TENM4: variants seen among roughly 807,000 people sequenced by gnomAD.
TENM4 encodes teneurin-4.
TENM4 carries 82 observed loss-of-function variants against 243.3 expected under a neutral mutation model. The observed-to-expected ratio is 0.34, with a 90% CI of 0.28 to 0.40. The LOEUF (loss-of-function observed/expected upper bound fraction) is 0.40. Ranked by LOEUF, TENM4 falls within the 10% of genes least tolerant of loss-of-function variation. The pLI, the probability that TENM4 is intolerant of heterozygous loss-of-function variation, is 1.00. For synonymous variants in TENM4, 1,412 were observed against 1,456.3 expected (o/e 0.97, Z 0.69); for missense variants, 3,138 against 3,673.3 (o/e 0.85, Z 3.77).
At chr11:79,026,659 T>C (rs1446822002) in intron 6 of TENM4, among the ~76,000 whole-genome samples, 1 of 152,144 alleles carries the variant, frequency 6.6e-6, no homozygotes, top group African/African-American at 2.4e-5. Flanking sequence ...TTCAGCTACT[T>C]CTCACAGCAA....
rs1856950621 is a variant in TENM4, at chr11:78,786,975, C to A, written c.2288G>T (p.Arg763Leu). 6.3e-7 allele frequency: 1 copy of A among 1,591,402 alleles called. No homozygotes were observed. Among genetic ancestry groups the A allele is most frequent in the African/African-American group, 1.3e-5 (1 of 74,604 alleles). Residue 763 changes from arginine (R) to leucine (L), a missense_variant, in exon 16 of 34, where the codon CGC (arginine) becomes CTC (leucine). This residue lies in a region of TENM4 where 2,467 missense variants were observed against 3,059.1 expected (regional missense o/e 0.81). Transcript: ENST00000278550. ...GCGGCAGGTCCCATGCTCGGCACAGCGCGGGTGGCAGGCCCGCTGGTCGCA... is the reference window on the plus strand; with the variant it reads ...GCGGCAGGTCCCATGCTCGGCACAGAGCGGGTGGCAGGCCCGCTGGTCGCA... ...AACDQRACHP[R>L]CAEHGTCRDG... is the part of the protein sequence containing the mutation.
At chr11:79,226,945 G>T (rs991937519) in intron 2 of TENM4, among the ~76,000 whole-genome samples, 1 of 152,204 alleles carries the variant, frequency 6.6e-6, no homozygotes, top group Non-Finnish European at 1.5e-5. Flanking sequence ...CCAGACACTT[G>T]TCTATTTGCT....
intron 6 of TENM4, among the ~76,000 whole-genome samples, chr11:78,994,148 C>T (rs1162379318): frequency 1.3e-5 from 2 of 152,144 alleles, no homozygotes; most frequent in Admixed American, 6.5e-5. Flanking sequence ...TAGTGGAAGC[C>T]TAGGAAGTTC....
At chr11:78,978,256 G>T (rs1391869074) in intron 6 of TENM4, among the ~76,000 whole-genome samples, 1 of 151,986 alleles carries the variant, frequency 6.6e-6, no homozygotes, top group African/African-American at 2.4e-5. Flanking sequence ...TAATGTAGAT[G>T]ACATGTTGAT....
intron 2 of TENM4, among the ~76,000 whole-genome samples, chr11:79,277,524 C>A (rs1856079483): frequency 6.6e-6 from 1 of 152,170 alleles, no homozygotes; most frequent in South Asian, 2.1e-4. Context: ...GACTCCAAAG[C>A]CCTGGCTTTT....
intron 6 of TENM4, among the ~76,000 whole-genome samples, chr11:79,001,733 C>T (rs867345019): frequency 6.6e-6 from 1 of 152,280 alleles, no homozygotes. Context: ...CTAATTGCCC[C>T]CCTGTATGTT....
chr11:78,755,356 A>T (rs1207597233), intron 19 of TENM4, among the ~76,000 whole-genome samples: 1 of 151,702 alleles, frequency 6.6e-6, no homozygotes, highest in African/African-American at 2.4e-5. Flanking sequence ...TTTTGGAGAG[A>T]TGGGGTTTTG....
At chr11:78,976,799 C>CT (rs962772145) in intron 6 of TENM4, among the ~76,000 whole-genome samples, 7 of 151,688 alleles carry the variant, frequency 4.6e-5, no homozygotes, top group South Asian at 4.2e-4. Flanking sequence ...GAAAAACAAA[C>CT]TTTTTTTTTG....
At chr11:79,217,119 A>G (rs913286995) in intron 2 of TENM4, among the ~76,000 whole-genome samples, 2 of 152,178 alleles carry the variant, frequency 1.3e-5, no homozygotes, top group African/African-American at 2.4e-5. Context: ...ACTCTGGGAC[A>G]AAGGAGATAC....
chr11:79,165,264 A>G (rs1210762741), intron 3 of TENM4, among the ~76,000 whole-genome samples: 1 of 152,156 alleles, frequency 6.6e-6, no homozygotes, highest in African/African-American at 2.4e-5. Context: ...CACCAGCAGC[A>G]TAAAAGTGTT....
At chr11:79,161,794 G>C (rs1414939426) in intron 3 of TENM4, among the ~76,000 whole-genome samples, 1 of 152,190 alleles carries the variant, frequency 6.6e-6, no homozygotes, top group Admixed American at 6.6e-5. Context: ...CCCATTGAAG[G>C]GTTTGCAGTA....
chr11:78,738,877 G>A (rs977394087), intron 19 of TENM4, among the ~76,000 whole-genome samples: 1 of 152,134 alleles, frequency 6.6e-6, no homozygotes, highest in African/African-American at 2.4e-5. Context: ...GGGCAATATC[G>A]CCTAGTTCTG....
Position 78,656,719 on chromosome 11 carries a change from C to T in TENM4, c.*1339G>A, listed in dbSNP as rs1857904457. On this transcript the variant is annotated 3_prime_UTR_variant, in exon 34 of 34. Coordinates refer to ENST00000278550, the MANE Select transcript of TENM4 (RefSeq NM_001098816.3). ...ATATGGGCAGGCCACACCACATCAG[C>T]TCTTCCCTCCTTTCTTCCTGTCACT... The T allele has an allele frequency of 3.8e-6, 1 of 263,996 alleles. No individual in the cohort carries two copies. The allele number at this position is 263,996 out of a possible 1,614,324, so 16.4% of individuals were successfully genotyped here.
chr11:79,387,859 G>A (rs1207825940), intron 1 of TENM4, among the ~76,000 whole-genome samples: 1 of 152,146 alleles, frequency 6.6e-6, no homozygotes, highest in African/African-American at 2.4e-5. Context: ...ACAAAAATTA[G>A]CCAGGTGTGG....
At chr11:79,159,383 T>A (rs1862694510) in intron 3 of TENM4, among the ~76,000 whole-genome samples, 1 of 152,188 alleles carries the variant, frequency 6.6e-6, no homozygotes, top group Admixed American at 6.5e-5. Flanking sequence ...ATTTTGCGAA[T>A]ACAGAAACTG....
At chr11:79,280,287 A>C (rs1291573644) in intron 2 of TENM4, among the ~76,000 whole-genome samples, 1 of 152,192 alleles carries the variant, frequency 6.6e-6, no homozygotes, top group African/African-American at 2.4e-5. Flanking sequence ...AAAGAGCTCC[A>C]AAAGGCCTAC....
At chr11:79,046,322 T>C (rs545382686) in intron 6 of TENM4, among the ~76,000 whole-genome samples, 12 of 152,196 alleles carry the variant, frequency 7.9e-5, no homozygotes, top group Admixed American at 3.3e-4. Flanking sequence ...CTGTTACAGT[T>C]CATGGAGCAC....
Position 78,661,510 on chromosome 11 carries a change from A to G in TENM4, c.7490T>C (p.Met2497Thr). The G allele has an allele frequency of 6.2e-7, 1 of 1,612,654 alleles. No homozygotes were observed. The highest frequency in any genetic ancestry group is 8.5e-7 in the Non-Finnish European group (1 of 1,179,446). ...PGYPKPDMDA[M>T]EPSYELIHTQ... is the part of the protein sequence containing the mutation. ...GTGGATGAGCTCGTAGGAGGGTTCC[A>G]TGGCATCCATGTCTGGTTTGGGATA... is the stretch of plus-strand genomic sequence containing the variant. Residue 2497 changes from methionine to threonine, a missense_variant, in exon 33 of 34, where the codon ATG (methionine) becomes ACG (threonine). Met to Thr is a moderately conservative substitution (Grantham distance 81). Transcript: ENST00000278550.
At chr11:78,767,331 C>A (rs994478170) in intron 18 of TENM4, among the ~76,000 whole-genome samples, 4 of 152,226 alleles carry the variant, frequency 2.6e-5, no homozygotes, top group African/African-American at 9.7e-5. Context: ...GATGGATGCA[C>A]AATTGCTTTG....
Sources: allele counts gnomAD v4.1 joint callset (sites outside exome capture counted in the v4.1 genomes callset), GRCh38; gene constraint gnomAD v4.1.1; regional missense constraint gnomAD v4.1.1; transcripts MANE v1.5; gene names NCBI Gene and HGNC (gene_info 2026-07-23, HGNC 2026-07-21).